TLK1: variants seen among roughly 807,000 people sequenced by gnomAD.
TLK1 encodes the protein tousled like kinase 1.
Under a neutral mutation model 105.3 loss-of-function variants are expected in TLK1, and 24 were observed. The observed-to-expected ratio is 0.23, with a 90% CI of 0.17 to 0.32. The LOEUF (loss-of-function observed/expected upper bound fraction) is 0.32, where lower values mean the gene tolerates loss of function less well. TLK1 is among the 10% of genes least tolerant of loss of function. The pLI, the probability that TLK1 is intolerant of heterozygous loss-of-function variation, is 1.00. For missense variants in TLK1, 558 were observed against 910.5 expected, an observed-to-expected ratio of 0.61 and a Z score of 4.98; for synonymous variants, 321 against 310.4, an observed-to-expected ratio of 1.03 and a Z score of -0.36.
intron 2 of TLK1, among the ~76,000 whole-genome samples, chr2:171,097,196 T>G (rs143826428): frequency 3.3e-4 from 50 of 152,342 alleles, no homozygotes; most frequent in African/African-American, 1.2e-3. Flanking sequence ...GAATTGATCT[T>G]TGGCAAAAGT....
At position 171,220,254 on chromosome 2, in the gene TLK1, C is replaced by T. The variant is rs575851005; in HGVS notation, c.-6+10891G>A. On this transcript the variant is annotated intron_variant, in intron 1 of 20. Coordinates refer to the TLK1 transcript ENST00000521943. ...CTTTTAGGGACCATTCTTCAGCCTC[C>T]CAAAGATGTGTACTACATCATCAAT... Among the ~76,000 whole-genome samples, 204 of 152,222 alleles carry T rather than the reference C, an allele frequency of 1.3e-3. 3 individuals carry two copies. Among genetic ancestry groups the T allele is most frequent in the South Asian group, 1.2e-3 (6 of 4,824 alleles).
rs139673955 is a variant in TLK1 at position 170,993,623 on chromosome 2, T to C, written c.*157A>G. ...TGATCCTCTCTCATACAAATGACAC[T>C]ATGAGGAACTTCAGTTCACAAACAG... On this transcript the variant is annotated 3_prime_UTR_variant, in exon 21 of 21. Transcript: ENST00000431350. 2.5e-5 allele frequency: 14 copies of C among 571,268 alleles called. No homozygotes were observed. Among genetic ancestry groups the C allele is most frequent in the African/African-American group, 4.3e-5 (2 of 46,952 alleles). The allele number at this position is 571,268 out of a possible 1,614,324, so 35.4% of individuals were successfully genotyped here.
chr2:171,139,043 G>A (rs2105572914), intron 1 of TLK1, among the ~76,000 whole-genome samples: 1 of 152,256 alleles, frequency 6.6e-6, no homozygotes, highest in African/African-American at 2.4e-5. Flanking sequence ...TTAAACTACT[G>A]CTCAAAGGGT....
At chr2:171,170,867 C>T (rs539097893) in intron 1 of TLK1, among the ~76,000 whole-genome samples, 4 of 152,158 alleles carry the variant, frequency 2.6e-5, no homozygotes, top group African/African-American at 9.6e-5. Flanking sequence ...ATCAATTAAA[C>T]TAAAAAGAAA....
rs71401403 is a variant in TLK1 at position 171,101,346 on chromosome 2, C to CAAAAAA, written c.258+16387_258+16392dup. 1.8e-3 allele frequency among the ~76,000 whole-genome samples: 112 copies of CAAAAAA among 63,488 alleles called. 5 individuals are homozygous for CAAAAAA. The highest frequency in any genetic ancestry group is 2.7e-3 in the South Asian group (4 of 1,508). The allele number at this position is 63,488 out of a possible 152,430, so 41.7% of individuals were successfully genotyped here. ...GGACAACAAGAGTGAAACTCCGTCT[C>CAAAAAA]AAAAAAAAAAAAAAAAAAAGCCAGG... On this transcript the variant is annotated intron_variant, in intron 2 of 20. Transcript: ENST00000431350.
chr2:171,044,453 A>C (rs1455202633), intron 11 of TLK1, among the ~76,000 whole-genome samples: 2 of 152,162 alleles, frequency 1.3e-5, no homozygotes, highest in African/African-American at 4.8e-5. Context: ...TTTTTAGTAA[A>C]TATAGTTTTG....
At chr2:171,000,981 T>C (rs1684338011) in intron 18 of TLK1, among the ~76,000 whole-genome samples, 1 of 152,218 alleles carries the variant, frequency 6.6e-6, no homozygotes, top group Non-Finnish European at 1.5e-5. Flanking sequence ...CTTGAATTTC[T>C]CCAAGATCCA....
chr2:171,042,185 T>TA (rs1453736217), intron 11 of TLK1, among the ~76,000 whole-genome samples: 1 of 152,150 alleles, frequency 6.6e-6, no homozygotes, highest in African/African-American at 2.4e-5. Flanking sequence ...GTAAACAAAA[T>TA]ACCTGTGACA....
At chr2:170,995,528 A>T (rs1006155657) in intron 20 of TLK1, among the ~76,000 whole-genome samples, 1 of 152,128 alleles carries the variant, frequency 6.6e-6, no homozygotes, top group Admixed American at 6.5e-5. Context: ...TGGTCTTTTC[A>T]GTCAGTATTA....
In TLK1 at chr2:171,073,055, T is replaced by A. The variant is rs986145099; in HGVS notation, c.330+9726A>T. Among the ~76,000 whole-genome samples, 8 of 152,218 alleles carry A rather than the reference T, an allele frequency of 5.3e-5. 1 individual carries two copies. In the East Asian group the frequency reaches 7.7e-4, roughly 15 times the overall value. On this transcript the variant is annotated intron_variant, in intron 3 of 20. Transcript: ENST00000431350. Reference sequence around the variant, plus strand: ...TTAGCATATAGAAATGCTACTTTTTTAATATTGATTTTGTATCCTGCAACT... The same window carrying A: ...TTAGCATATAGAAATGCTACTTTTTAAATATTGATTTTGTATCCTGCAACT...
At chr2:171,167,694 C>T (rs1692634827) in intron 1 of TLK1, among the ~76,000 whole-genome samples, 1 of 152,040 alleles carries the variant, frequency 6.6e-6, no homozygotes, top group Non-Finnish European at 1.5e-5. Flanking sequence ...GGTCCATACA[C>T]AACAAAAACT....
At chr2:171,057,219 G>A (rs1687543296) in intron 5 of TLK1, among the ~76,000 whole-genome samples, 1 of 152,026 alleles carries the variant, frequency 6.6e-6, no homozygotes, top group African/African-American at 2.4e-5. Flanking sequence ...ATAACTTGCT[G>A]CAGCAAAGTT....
chr2:171,026,450 A>G (rs767789245), intron 12 of TLK1, among the ~76,000 whole-genome samples: 3 of 152,130 alleles, frequency 2.0e-5, no homozygotes, highest in Non-Finnish European at 4.4e-5. Context: ...CAAATAGCCA[A>G]TTCCTAATTT....
chr2:171,078,944 A>T (rs565604707), intron 3 of TLK1, among the ~76,000 whole-genome samples: 28 of 152,248 alleles, frequency 1.8e-4, no homozygotes, highest in African/African-American at 6.7e-4. Flanking sequence ...ATGGCTCTCT[A>T]CCTGAAGTCC....
At chr2:171,062,798 C>G (rs1687816728) in intron 3 of TLK1, among the ~76,000 whole-genome samples, 1 of 152,158 alleles carries the variant, frequency 6.6e-6, no homozygotes, top group African/African-American at 2.4e-5. Flanking sequence ...CAGAATTTTA[C>G]TGTTTATGAA....
intron 12 of TLK1, among the ~76,000 whole-genome samples, chr2:171,015,151 T>C (rs963086489): frequency 1.3e-5 from 2 of 152,084 alleles, no homozygotes; most frequent in African/African-American, 4.8e-5. Flanking sequence ...GAAACCATCC[T>C]CCACATGAAA....
intron 3 of TLK1, among the ~76,000 whole-genome samples, chr2:171,063,042 A>G (rs1687826822): frequency 1.3e-5 from 2 of 152,290 alleles, no homozygotes; most frequent in South Asian, 4.1e-4. Context: ...TTCTTTTAAC[A>G]TTTATTAAAG....
intron 13 of TLK1, among the ~76,000 whole-genome samples, chr2:171,013,399 A>G (rs1384763223): frequency 2.2e-5 from 3 of 135,538 alleles, no homozygotes; most frequent in Non-Finnish European, 3.0e-5. Flanking sequence ...GGCTCACTGC[A>G]GGCTCAGGCG....
chr2:170,999,231 T>C (rs6715332), intron 18 of TLK1, among the ~76,000 whole-genome samples: 1 of 151,968 alleles, frequency 6.6e-6, no homozygotes, highest in African/African-American at 2.4e-5. Context: ...CTATTTTTTT[T>C]AAAAAATGCA....
Sources: gnomAD v4.1 joint callset for allele counts (sites outside exome capture counted in the v4.1 genomes callset) on GRCh38, gnomAD v4.1.1 for gene constraint, MANE v1.5 for transcripts, NCBI Gene and HGNC (gene_info 2026-07-23, HGNC 2026-07-21) for gene names.